Variants in SLC2A14 observed in about 807,000 individuals in gnomAD.
SLC2A14 encodes the protein solute carrier family 2, facilitated glucose transporter member 14.
A neutral mutation model predicts 43.0 loss-of-function variants in SLC2A14; 13 were observed. The observed-to-expected ratio is 0.30, with a 90% CI of 0.20 to 0.48. The LOEUF is 0.48. Ranked by LOEUF, SLC2A14 falls within the 20% of genes least tolerant of loss-of-function variation. SLC2A14 has a pLI of 0.99. For synonymous variants in SLC2A14, 190 were observed against 233.8 expected (o/e 0.81, Z 1.71); for missense variants, 428 against 620.4 (o/e 0.69, Z 3.29).
At chr12:7,870,524 G>C (rs146766612) in intron 1 of SLC2A14, among the ~76,000 whole-genome samples, 56 of 152,166 alleles carry the variant, frequency 3.7e-4, no homozygotes, top group African/African-American at 1.3e-3. Flanking sequence ...GCTGAGATAC[G>C]TTATGTTGAA....
At chr12:7,869,108 CG>C (rs201679337) in intron 2 of SLC2A14, among the ~76,000 whole-genome samples, 3,690 of 151,178 alleles carry the variant, frequency 0.024, 72 homozygotes, top group Non-Finnish European at 0.038. Flanking sequence ...CACACCATTG[CG>C]CTCTAGCCTG....
chr12:7,886,912 CT>C (rs11442108), intron 1 of SLC2A14, among the ~76,000 whole-genome samples: 692 of 131,816 alleles, frequency 5.2e-3, no homozygotes, highest in African/African-American at 1.0e-2. Flanking sequence ...TAATGATTTT[CT>C]TTTTTTTTTT....
intron 2 of SLC2A14, among the ~76,000 whole-genome samples, chr12:7,857,840 T>C (rs1034974315): frequency 6.6e-6 from 1 of 151,918 alleles, no homozygotes; most frequent in Non-Finnish European, 1.5e-5. Flanking sequence ...TGGTCCTTTT[T>C]AAAGCAAAAT....
At position 7,832,822 on chromosome 12, in the gene SLC2A14, G is replaced by A. The variant is rs186233837; in HGVS notation, c.19-8C>T. On this transcript the variant is annotated splice_polypyrimidine_tract_variant and splice_region_variant and intron_variant, in intron 2 of 10. Coordinates refer to ENST00000431042, the MANE Select transcript of SLC2A14 (RefSeq NM_001286234.2). ...GATCAGAGCTGGGGTGACCTGGAGA[G>A]ACAGAGGACAGGGAGGAGAGAATAG... 5 of 1,613,478 alleles carry A rather than the reference G, an allele frequency of 3.1e-6. No individual in the cohort carries two copies. Among genetic ancestry groups the A allele is most frequent in the Non-Finnish European group, 4.2e-6 (5 of 1,179,426 alleles).
intron 4 of SLC2A14, among the ~76,000 whole-genome samples, chr12:7,830,404 G>A (rs1864922056): frequency 6.6e-6 from 1 of 152,060 alleles, no homozygotes; most frequent in African/African-American, 2.4e-5. Flanking sequence ...ACCCACCTCG[G>A]CCTCCCAAAG....
Position 7,878,990 on chromosome 12 carries a change from A to AC in SLC2A14, c.132+12005_132+12006insG, listed in dbSNP as rs1204471991. Among the ~76,000 whole-genome samples the AC allele has an allele frequency of 3.0e-4, 27 of 91,522 alleles. 1 individual carries two copies. Among genetic ancestry groups the AC allele is most frequent in the Non-Finnish European group, 5.5e-4 (23 of 41,456 alleles). The allele number at this position is 91,522 out of a possible 152,430, so 60.0% of individuals were successfully genotyped here. ...AGAGTCCGTCTCAAAAAAAAAAAAAAAAAAAAAAAAAAAAACAATTTGTCT... is the reference window on the plus strand; with the variant it reads ...AGAGTCCGTCTCAAAAAAAAAAAAAACAAAAAAAAAAAAAAACAATTTGTCT... On this transcript the variant is annotated intron_variant, in intron 1 of 9. Coordinates refer to the SLC2A14 transcript ENST00000539924.
intron 2 of SLC2A14, among the ~76,000 whole-genome samples, chr12:7,851,162 G>A (rs4883452): frequency 0.36 from 54,483 of 151,806 alleles, 10,270 homozygotes; most frequent in Admixed American, 0.51. Context: ...TACAGACTAC[G>A]CTACAGACTG....
chr12:7,824,839 G>A (rs775591292), intron 7 of SLC2A14, among the ~76,000 whole-genome samples: 43 of 151,636 alleles, frequency 2.8e-4, no homozygotes, highest in African/African-American at 9.7e-4. Context: ...TTTTTAGATG[G>A]TGCATCCACC....
intron 2 of SLC2A14, among the ~76,000 whole-genome samples, chr12:7,869,426 C>T (rs1384774631): frequency 1.3e-5 from 2 of 152,134 alleles, no homozygotes; most frequent in African/African-American, 4.8e-5. Flanking sequence ...TATGCAAGTA[C>T]AATGACTCAG....
chr12:7,871,233 G>A (rs1945214839), intron 1 of SLC2A14: 6 of 1,232,582 alleles, frequency 4.9e-6, no homozygotes, highest in Non-Finnish European at 6.2e-6. Flanking sequence ...TCCAGGAGCT[G>A]CTCACCACCA....
chr12:7,861,904 A>G lies in SLC2A14; in HGVS notation c.18+7959T>C, dbSNP rs183284274. ...TGGAACCCGGGAGGCAGAGGTTGCAATGAGCTGAGATTACGCCACTGCACT... is the reference window on the plus strand; with the variant it reads ...TGGAACCCGGGAGGCAGAGGTTGCAGTGAGCTGAGATTACGCCACTGCACT... On this transcript the variant is annotated intron_variant, in intron 2 of 10. Transcript: ENST00000431042. Among the ~76,000 whole-genome samples the G allele has an allele frequency of 2.4e-3, 358 of 149,048 alleles. 4 individuals carry two copies. Among genetic ancestry groups the G allele is most frequent in the African/African-American group, 8.5e-3 (344 of 40,432 alleles).
At chr12:7,879,310 C>CAAA (rs745333898) in intron 1 of SLC2A14, among the ~76,000 whole-genome samples, 8 of 65,804 alleles carry the variant, frequency 1.2e-4, no homozygotes. Flanking sequence ...CTCAACTCTG[C>CAAA]AAAAAAAAAC....
intron 2 of SLC2A14, among the ~76,000 whole-genome samples, chr12:7,864,424 C>A (rs530612532): frequency 1.4e-4 from 22 of 152,076 alleles, no homozygotes; most frequent in Non-Finnish European, 2.4e-4. Flanking sequence ...CTGCAACCTC[C>A]GCCTCCCGGA....
chr12:7,827,486 C>T lies in SLC2A14; in HGVS notation c.864+9G>A, dbSNP rs764283607. The T allele has an allele frequency of 6.2e-6, 10 of 1,610,440 alleles. No homozygotes were observed. The highest frequency in any genetic ancestry group is 3.4e-6 in the Non-Finnish European group (4 of 1,179,140). ...TAAGACACGTTTGACCCTAAAGTAT[C>T]ACACTCACAGCATTGATCCCAGAGA... On this transcript the variant is annotated intron_variant, in intron 7 of 10. Coordinates refer to ENST00000431042, the MANE Select transcript of SLC2A14 (RefSeq NM_001286234.2).
intron 2 of SLC2A14, among the ~76,000 whole-genome samples, chr12:7,842,737 G>A (rs202118691): frequency 2.1e-5 from 2 of 96,772 alleles, no homozygotes; most frequent in Non-Finnish European, 4.4e-5. Flanking sequence ...TTTTTTTTTT[G>A]TTTTTTTTGT....
In SLC2A14 at chr12:7,821,416, C is replaced by T. The variant is rs186061679; in HGVS notation, c.865-91G>A. The stretch of plus-strand genomic sequence containing the variant: ...AAATACTTAAGGCTGAGCGTGGTTG[C>T]ACAGGCCTGTAATCCCAGCACTTTG... On this transcript the variant is annotated intron_variant, in intron 7 of 10. Coordinates refer to ENST00000431042, the MANE Select transcript of SLC2A14 (RefSeq NM_001286234.2). 3 of 1,160,144 alleles carry T rather than the reference C, an allele frequency of 2.6e-6. No individual in the cohort carries two copies. The East Asian group carries it at 7.3e-5, about 28-fold the overall frequency. The allele number at this position is 1,160,144 out of a possible 1,614,324, so 71.9% of individuals were successfully genotyped here.
chr12:7,867,062 A>G (rs759706060), intron 2 of SLC2A14, among the ~76,000 whole-genome samples: 62 of 151,504 alleles, frequency 4.1e-4, no homozygotes, highest in African/African-American at 1.5e-3. Flanking sequence ...GGTGGATCAC[A>G]AGGTCAGGAG....
At chr12:7,824,811 G>C (rs970026461) in intron 7 of SLC2A14, among the ~76,000 whole-genome samples, 3 of 151,160 alleles carry the variant, frequency 2.0e-5, no homozygotes, top group South Asian at 2.1e-4. Context: ...GCATCAGACT[G>C]ATTGATTGAT....
chr12:7,828,391 G>A (rs1864688694), intron 6 of SLC2A14, among the ~76,000 whole-genome samples: 1 of 149,084 alleles, frequency 6.7e-6, no homozygotes, highest in South Asian at 2.1e-4. Context: ...TACAAAAGTA[G>A]CCAGGCGTGG....
Sources: gnomAD v4.1 joint callset for allele counts (sites outside exome capture counted in the v4.1 genomes callset) on GRCh38, gnomAD v4.1.1 for gene constraint, MANE v1.5 for transcripts, NCBI Gene and HGNC (gene_info 2026-07-23, HGNC 2026-07-21) for gene names.